LINGO2: variants seen among roughly 807,000 people sequenced by gnomAD.
LINGO2 encodes leucine-rich repeat and immunoglobulin-like domain-containing nogo receptor-interacting protein 2.
LINGO2 carries 14 observed loss-of-function variants against 30.6 expected under a neutral mutation model. That is an observed-to-expected ratio of 0.46 (90% CI 0.30 to 0.72). The LOEUF (loss-of-function observed/expected upper bound fraction) is 0.72. Ranked by LOEUF, LINGO2 falls within the 30% of genes least tolerant of loss-of-function variation. The pLI is 0.07. For synonymous variants in LINGO2, 317 were observed against 288.5 expected, an observed-to-expected ratio of 1.10 and a Z score of -1.00; for missense variants, 729 against 751.7, an observed-to-expected ratio of 0.97 and a Z score of 0.35.
the LINGO2 span, among the ~76,000 whole-genome samples, chr9:28,936,413 G>A: frequency 1.3e-5 from 2 of 152,116 alleles, no homozygotes; most frequent in African/African-American, 2.4e-5. Context: ...GACTCAAATG[G>A]ATACAATGGT....
intron 5 of LINGO2, among the ~76,000 whole-genome samples, chr9:28,004,302 A>G (rs935289621): frequency 6.6e-6 from 1 of 152,208 alleles, no homozygotes; most frequent in Non-Finnish European, 1.5e-5. Context: ...AATTTAATGT[A>G]TATTTAAATA....
intron 1 of LINGO2, among the ~76,000 whole-genome samples, chr9:28,585,703 T>C (rs1314489164): frequency 6.6e-6 from 1 of 152,026 alleles, no homozygotes; most frequent in Non-Finnish European, 1.5e-5. Flanking sequence ...TAGGATGAGT[T>C]GATCAGGAAT....
the LINGO2 span, among the ~76,000 whole-genome samples, chr9:28,776,268 AT>A: frequency 3.4e-5 from 5 of 147,088 alleles, no homozygotes; most frequent in South Asian, 4.4e-4. Context: ...GGCTATCACA[AT>A]TTTTTTCTCT....
chr9:29,129,813 A>G, the LINGO2 span, among the ~76,000 whole-genome samples: 2 of 152,108 alleles, frequency 1.3e-5, no homozygotes, highest in Non-Finnish European at 1.5e-5. Flanking sequence ...GGTTGTAGAG[A>G]TGGTGGTTTT....
At chr9:28,782,010 G>A in the LINGO2 span, among the ~76,000 whole-genome samples, 4 of 152,068 alleles carry the variant, frequency 2.6e-5, no homozygotes, top group Non-Finnish European at 4.4e-5. Context: ...TCATATTTTA[G>A]TTTTTTGAAT....
At chr9:28,582,877 A>G (rs1824328497) in intron 1 of LINGO2, among the ~76,000 whole-genome samples, 1 of 152,060 alleles carries the variant, frequency 6.6e-6, no homozygotes, top group Non-Finnish European at 1.5e-5. Flanking sequence ...AGTGAAAAAC[A>G]TACCGATGCT....
the LINGO2 span, among the ~76,000 whole-genome samples, chr9:28,910,335 G>A: frequency 6.6e-6 from 1 of 151,814 alleles, no homozygotes; most frequent in Non-Finnish European, 1.5e-5. Context: ...CAATAAATAT[G>A]ACTATATGTT....
At chr9:28,720,189 T>A in the LINGO2 span, among the ~76,000 whole-genome samples, 1 of 152,156 alleles carries the variant, frequency 6.6e-6, no homozygotes, top group South Asian at 2.1e-4. Context: ...AAAGTCTTGT[T>A]TCATGTATCC....
At chr9:28,826,714 C>T in the LINGO2 span, among the ~76,000 whole-genome samples, 1 of 152,118 alleles carries the variant, frequency 6.6e-6, no homozygotes, top group East Asian at 1.9e-4. Flanking sequence ...AATAAGACAA[C>T]AAAGTCTGTT....
At chr9:27,983,462 A>G (rs1179243605) in intron 5 of LINGO2, among the ~76,000 whole-genome samples, 1 of 151,824 alleles carries the variant, frequency 6.6e-6, no homozygotes, top group Non-Finnish European at 1.5e-5. Context: ...TCCATCCAAA[A>G]GTCATTGAAT....
chr9:28,479,426 C>A (rs1825853186), intron 1 of LINGO2, among the ~76,000 whole-genome samples: 1 of 151,658 alleles, frequency 6.6e-6, no homozygotes, highest in African/African-American at 2.4e-5. Context: ...GAAGTGTTTG[C>A]AAAAGCACAG....
At chr9:27,948,826 A>G in exon 6 of LINGO2, 2 of 1,582,000 alleles carry the variant, frequency 1.3e-6, no homozygotes, top group Non-Finnish European at 1.7e-6. Flanking sequence ...ATTGACAAAG[A>G]GACAGTAATG....
At chr9:28,928,718 C>A in the LINGO2 span, among the ~76,000 whole-genome samples, 1 of 152,092 alleles carries the variant, frequency 6.6e-6, no homozygotes, top group Non-Finnish European at 1.5e-5. Flanking sequence ...TCCTAGATTC[C>A]TAATTCTTTT....
At chr9:29,060,426 G>A in the LINGO2 span, among the ~76,000 whole-genome samples, 2 of 151,994 alleles carry the variant, frequency 1.3e-5, no homozygotes. Context: ...ATAAACTTCT[G>A]TGAAAACAAA....
chr9:29,087,247 A>C, the LINGO2 span, among the ~76,000 whole-genome samples: 1 of 152,188 alleles, frequency 6.6e-6, no homozygotes, highest in South Asian at 2.1e-4. Flanking sequence ...GACCTGGGTA[A>C]GTTCTACAAG....
Position 28,168,242 on chromosome 9 carries a change from A to G in LINGO2, c.-87+126966T>C, listed in dbSNP as rs1453519136. On this transcript the variant is annotated intron_variant, in intron 4 of 5. Coordinates refer to ENST00000379992, the Ensembl canonical transcript of LINGO2. ...ATATTTTAGGTCCATTAGCCAATAC[A>G]GTTTTTGATTAAGCCATGGTTTCTA... is the stretch of plus-strand genomic sequence containing the variant. Among the ~76,000 whole-genome samples the G allele has an allele frequency of 2.0e-5, 3 of 152,184 alleles. No homozygotes were observed. In the East Asian group the frequency reaches 5.8e-4, roughly 29 times the overall value.
chr9:28,810,737 A>T, the LINGO2 span, among the ~76,000 whole-genome samples: 1 of 152,232 alleles, frequency 6.6e-6, no homozygotes, highest in East Asian at 1.9e-4. Flanking sequence ...TGTTATAAAT[A>T]TTTACTGATC....
the LINGO2 span, among the ~76,000 whole-genome samples, chr9:28,943,590 G>T: frequency 1.3e-5 from 2 of 152,188 alleles, no homozygotes; most frequent in African/African-American, 4.8e-5. Flanking sequence ...GGACTCTGAA[G>T]TTCGTCTCAG....
chr9:28,662,870 CTT>C (rs1002382123), intron 1 of LINGO2, among the ~76,000 whole-genome samples: 15 of 152,154 alleles, frequency 9.9e-5, no homozygotes, highest in African/African-American at 3.6e-4. Flanking sequence ...GCAAAAAAGA[CTT>C]TGATTTCCAA....
Sources: gnomAD v4.1 joint callset for allele counts (sites outside exome capture counted in the v4.1 genomes callset) on GRCh38, gnomAD v4.1.1 for gene constraint, MANE v1.5 for transcripts, NCBI Gene and HGNC (gene_info 2026-07-23, HGNC 2026-07-21) for gene names.